The following ODF2 variants were observed in gnomAD, a reference collection of about 807,000 sequenced individuals.
The protein encoded by ODF2 is outer dense fiber protein 2.
In ODF2, 47 loss-of-function variants were observed where a neutral mutation model predicts 110.2. The observed-to-expected ratio is 0.43, with a 90% CI of 0.34 to 0.54. The LOEUF is 0.54. Ranked by LOEUF, ODF2 falls within the 20% of genes least tolerant of loss-of-function variation. The probability of loss-of-function intolerance (pLI) is 0.03; values close to 1 mark genes in which losing one functional copy is unlikely to be tolerated. For missense variants in ODF2, 812 were observed against 1,054.5 expected (o/e 0.77, Z 3.19); for synonymous variants, 352 against 397.7 (o/e 0.89, Z 1.37).
At chr9:128,455,191 GAGA>G (rs751828274), upstream of ODF2, 187 of 1,535,342 alleles carry the variant, frequency 1.2e-4, no homozygotes, top group Non-Finnish European at 1.6e-4. Context: ...AAGCATAATT[GAGA>G]AGATGGCGGA....
chr9:128,496,077 G>C (rs1339577759), exon 18 of ODF2: 7 of 1,613,820 alleles, frequency 4.3e-6, no homozygotes, highest in Non-Finnish European at 5.9e-6. Context: ...GATGGCGAGA[G>C]AGAAACATCA....
At chr9:128,458,852 G>T (rs140854235) in intron 2 of ODF2, among the ~76,000 whole-genome samples, 11 of 151,298 alleles carry the variant, frequency 7.3e-5, no homozygotes, top group African/African-American at 2.7e-4. Context: ...TTTCTTTTTT[G>T]TTGTTGTTTT....
rs888054038 is a variant in ODF2, at chr9:128,481,002, A to G, written c.844-578A>G. 3.9e-5 allele frequency among the ~76,000 whole-genome samples: 6 copies of G among 152,222 alleles called. No individual in the cohort carries two copies. In the South Asian group the frequency reaches 8.3e-4, roughly 21 times the overall value. On this transcript the variant is annotated intron_variant, in intron 8 of 20. Transcript: ENST00000604420. ...TACAGTATTCTGTACAGTATTTTCA[A>G]TACAGAGAAATACAGTATTTCTCTG...
chr9:128,472,633 G>A (rs1412034670), intron 6 of ODF2, among the ~76,000 whole-genome samples: 1 of 152,186 alleles, frequency 6.6e-6, no homozygotes, highest in African/African-American at 2.4e-5. Flanking sequence ...GACAGTGGAG[G>A]GGGGCAGTGC....
intron 8 of ODF2, among the ~76,000 whole-genome samples, chr9:128,479,860 T>C (rs1355582683): frequency 2.0e-5 from 3 of 152,202 alleles, no homozygotes; most frequent in Non-Finnish European, 4.4e-5. Context: ...GGCTGCTTAA[T>C]GGTACAGGGT....
chr9:128,456,118 GA>G, upstream of ODF2: 1 of 1,547,682 alleles, frequency 6.5e-7, no homozygotes, highest in South Asian at 1.2e-5. Flanking sequence ...CCGGGTGTCG[GA>G]AAAGGAGGCG....
rs1431664862 is a variant in ODF2, at chr9:128,460,244, A to T, written c.123+587A>T. 2.2e-6 allele frequency: 3 copies of T among 1,334,454 alleles called. No individual in the cohort carries two copies. The Admixed American group carries it at 6.7e-5, about 30-fold the overall frequency. 82.7% of individuals were successfully genotyped at this position (1,334,454 alleles called of 1,614,324 possible). A position where few individuals can be genotyped will look rare whatever the true frequency, so the allele number is the denominator to read the frequency against. ...GAGCTGTGCATTCCAGCAGGTTTAG[A>T]GGAGATCCAGCCCTAAGAACCCTGG... On this transcript the variant is annotated intron_variant, in intron 3 of 20. Transcript: ENST00000604420.
At chr9:128,471,912 G>T (rs1840081382) in intron 6 of ODF2, among the ~76,000 whole-genome samples, 1 of 152,302 alleles carries the variant, frequency 6.6e-6, no homozygotes, top group South Asian at 2.1e-4. Context: ...TTGGCAGGGG[G>T]CTGGCTCTCA....
intron 5 of ODF2, among the ~76,000 whole-genome samples, chr9:128,470,942 A>C: frequency 6.8e-6 from 1 of 146,444 alleles, no homozygotes; most frequent in African/African-American, 2.5e-5. Context: ...ATGGAGTCTC[A>C]CTCTTGTCCG....
chr9:128,496,478 C>T (rs993802487), intron 18 of ODF2, among the ~76,000 whole-genome samples: 1 of 152,210 alleles, frequency 6.6e-6, no homozygotes, highest in Non-Finnish European at 1.5e-5. Flanking sequence ...GGCACTTCCC[C>T]ACTCTTTTCT....
chr9:128,459,567 G>C, exon 3 of ODF2: 1 of 1,613,518 alleles, frequency 6.2e-7, no homozygotes, highest in Non-Finnish European at 8.5e-7. Flanking sequence ...CTGGGTGCAG[G>C]TTTCCATCGT....
chr9:128,473,860 A>G (rs1004464547), intron 8 of ODF2, 119 bp downstream of exon 8: 67 of 879,514 alleles, frequency 7.6e-5, no homozygotes, highest in Non-Finnish European at 1.1e-4. Context: ...CCTTAGAGAG[A>G]TGTAATGAAA....
chr9:128,485,531 G>A lies in ODF2; in HGVS notation c.1400+57G>A. On this transcript the variant is annotated intron_variant, in intron 13 of 20. Transcript: ENST00000604420. This position sits in a 1 kb window ranked among gnomAD's most constrained non-coding sequence, Gnocchi z 5.0. The stretch of plus-strand genomic sequence containing the variant: ...GCTGTTGAGGGACTTGGGTGTGCAG[G>A]TGGGAGGGGCCTAGTGGCTCAGGGA... 1.0e-6 allele frequency: 1 copy of A among 974,502 alleles called. No individual in the cohort carries two copies. Among genetic ancestry groups the A allele is most frequent in the Non-Finnish European group, 1.6e-6 (1 of 613,722 alleles). The allele number at this position is 974,502 out of a possible 1,614,324, so 60.4% of individuals were successfully genotyped here. A position where few individuals can be genotyped will look rare whatever the true frequency, so the allele number is the denominator to read the frequency against.
At chr9:128,473,556 C>T in intron 7 of ODF2, 54 bp from the exon 8 acceptor site, 2 of 1,604,054 alleles carry the variant, frequency 1.2e-6, no homozygotes, top group South Asian at 2.2e-5. Context: ...GCCCATGGGG[C>T]CTGCTTCTTC....
intron 4 of ODF2, among the ~76,000 whole-genome samples, chr9:128,468,224 A>T (rs1239670279): frequency 6.6e-6 from 1 of 152,146 alleles, no homozygotes; most frequent in Non-Finnish European, 1.5e-5. Flanking sequence ...TAACTAATCC[A>T]CTATCAGCTA....
chr9:128,497,446 A>AAAAAATATATATATATAT (rs1554857542), intron 18 of ODF2: 1 of 42,598 alleles, frequency 2.3e-5, no homozygotes, highest in African/African-American at 1.5e-4. Context: ...AAAAAAAAAA[A>AAAAAATATATATATATAT]ATATATATAT....
intron 14 of ODF2, among the ~76,000 whole-genome samples, chr9:128,490,377 G>T (rs570594460): frequency 4.6e-5 from 7 of 152,002 alleles, no homozygotes; most frequent in African/African-American, 1.7e-4. Flanking sequence ...CCACCTCCCA[G>T]GATCAAGTGA....
chr9:128,469,091 CCCGTCTAATCAGTAAA>C (rs1839057126), intron 4 of ODF2, 76 bp from the exon 5 acceptor site: 1 of 1,266,050 alleles, frequency 7.9e-7, no homozygotes, highest in Admixed American at 2.2e-5. Context: ...TACAGCTTTT[CCCGTCTAATCAGTAAA>C]TAAGCCTCCA....
intron 8 of ODF2, among the ~76,000 whole-genome samples, chr9:128,474,115 C>G (rs1429937852): frequency 6.6e-6 from 1 of 152,120 alleles, no homozygotes; most frequent in African/African-American, 2.4e-5. Context: ...AAAATATGTT[C>G]TCTGAGGGTG....
Sources: gnomAD v4.1 joint callset for allele counts (sites outside exome capture counted in the v4.1 genomes callset) on GRCh38, gnomAD v4.1.1 for gene constraint, Gnocchi (gnomAD v3.1) non-coding constraint, MANE v1.5 for transcripts, NCBI Gene and HGNC (gene_info 2026-07-23, HGNC 2026-07-21) for gene names.